The following CDC42BPB variants were observed in gnomAD, a reference collection of about 807,000 sequenced individuals.
CDC42BPB encodes serine/threonine-protein kinase MRCK beta.
Under a neutral mutation model 214.9 loss-of-function variants are expected in CDC42BPB, and 37 were observed. The ratio of observed to expected loss-of-function variants is 0.17; its 90% CI spans 0.13 to 0.23. The LOEUF is 0.23. Among genes scored for constraint, CDC42BPB ranks in the 10% least tolerant of loss-of-function variants. CDC42BPB has a pLI of 1.00. For synonymous variants in CDC42BPB, 931 were observed against 884.0 expected, an observed-to-expected ratio of 1.05 and a Z score of -0.94; for missense variants, 1,694 against 2,227.0, an observed-to-expected ratio of 0.76 and a Z score of 4.82.
chr14:103,052,353 C>G (rs1351816559), intron 1 of CDC42BPB, among the ~76,000 whole-genome samples: 1 of 152,144 alleles, frequency 6.6e-6, no homozygotes, highest in African/African-American at 2.4e-5. Flanking sequence ...AAAAAGTGTT[C>G]CCATGTTATG....
intron 15 of CDC42BPB, 44 bp from the exon 16 acceptor site, chr14:102,968,402 A>G (rs2896462): frequency 0.062 from 100,744 of 1,613,150 alleles, 8,183 homozygotes; most frequent in African/African-American, 0.4. Flanking sequence ...TCGTAACTTC[A>G]CTGATATTCG....
chr14:102,945,824 C>A (rs559488616), intron 28 of CDC42BPB, 100 bp from the exon 29 acceptor site: 65 of 1,001,756 alleles, frequency 6.5e-5, no homozygotes, highest in Admixed American at 1.3e-4. Context: ...ACTTTTCAAC[C>A]ATATGTGGAT....
chr14:102,952,465 C>T, intron 24 of CDC42BPB, 33 bp downstream of exon 24: 2 of 1,399,824 alleles, frequency 1.4e-6, no homozygotes, highest in Non-Finnish European at 1.0e-6. Context: ...TGGGGCTGTG[C>T]ACGCTGACCC....
intron 26 of CDC42BPB, 195 bp from the exon 27 acceptor site, chr14:102,947,997 G>A: frequency 1.0e-6 from 1 of 982,560 alleles, no homozygotes; most frequent in Non-Finnish European, 1.2e-6. Context: ...GGTGTTTCAG[G>A]GCTTAGGGAT....
At chr14:102,998,727 C>T (rs1311852941) in intron 5 of CDC42BPB, among the ~76,000 whole-genome samples, 1 of 152,194 alleles carries the variant, frequency 6.6e-6, no homozygotes, top group African/African-American at 2.4e-5. Flanking sequence ...AAGCCTCTTC[C>T]TCAAGCCCTA....
intron 1 of CDC42BPB, among the ~76,000 whole-genome samples, chr14:103,030,898 G>A (rs1887332267): frequency 6.6e-6 from 1 of 151,808 alleles, no homozygotes; most frequent in Non-Finnish European, 1.5e-5. Flanking sequence ...GAGACGGGAG[G>A]ATGGCTTGAG....
Position 102,971,938 on chromosome 14 carries a change from G to A in CDC42BPB, c.1865C>T (p.Ala622Val). Residue 622 changes from alanine (A) to valine (V), a missense_variant, in exon 13 of 37, where the codon GCT (alanine) becomes GTT (valine). This residue lies in a region of CDC42BPB where 462 missense variants were observed against 513.5 expected (regional missense o/e 0.90). Coordinates refer to ENST00000361246, the MANE Select transcript of CDC42BPB (RefSeq NM_006035.4). ...AGCTACCTCTTTCCTGAGCTTCTCA[G>A]CTCTCCGCATTTCCTGCCGCATGGC... ...VDAMRQEMRR[A>V]EKLRKELEAQ... 1 of 1,614,168 alleles carries A rather than the reference G, an allele frequency of 6.2e-7. No homozygotes were observed. The highest frequency in any genetic ancestry group is 8.5e-7 in the Non-Finnish European group (1 of 1,180,026).
chr14:103,035,972 C>T (rs886274261), intron 1 of CDC42BPB, among the ~76,000 whole-genome samples: 4 of 151,958 alleles, frequency 2.6e-5, no homozygotes, highest in East Asian at 1.9e-4. Flanking sequence ...GGCAACATGA[C>T]GAAACCTCAT....
intron 9 of CDC42BPB, among the ~76,000 whole-genome samples, chr14:102,977,808 G>C (rs1482532641): frequency 6.6e-6 from 1 of 152,150 alleles, no homozygotes; most frequent in Non-Finnish European, 1.5e-5. Flanking sequence ...GCCTGTTTCT[G>C]CACCATCACG....
At chr14:102,990,472 C>T (rs953331024) in intron 5 of CDC42BPB, among the ~76,000 whole-genome samples, 2 of 152,108 alleles carry the variant, frequency 1.3e-5, no homozygotes, top group Non-Finnish European at 2.9e-5. Flanking sequence ...CTGGGAGTCA[C>T]AGTTTCAGTA....
chr14:102,961,971 G>A (rs972287248), intron 20 of CDC42BPB, among the ~76,000 whole-genome samples: 4 of 152,130 alleles, frequency 2.6e-5, no homozygotes, highest in Non-Finnish European at 5.9e-5. Context: ...TTAGAAATCC[G>A]CAAGACTAAC....
At chr14:103,009,238 G>GT (rs1366655203) in intron 2 of CDC42BPB, among the ~76,000 whole-genome samples, 4 of 152,208 alleles carry the variant, frequency 2.6e-5, no homozygotes, top group African/African-American at 9.6e-5. Context: ...TTAAATGGCA[G>GT]TATCATCTAC....
intron 1 of CDC42BPB, among the ~76,000 whole-genome samples, chr14:103,034,409 C>G (rs1887553487): frequency 6.6e-6 from 1 of 152,136 alleles, no homozygotes. Flanking sequence ...GTTCATTTTA[C>G]TGAGAATATT....
chr14:102,955,589 T>A (rs1892675562), intron 21 of CDC42BPB, among the ~76,000 whole-genome samples: 1 of 152,238 alleles, frequency 6.6e-6, no homozygotes, highest in African/African-American at 2.4e-5. Flanking sequence ...TTTAACAAAT[T>A]AAGAGTTCTA....
chr14:102,980,705 G>A lies in CDC42BPB; in HGVS notation c.1140+68C>T, dbSNP rs986791823. The stretch of plus-strand genomic sequence containing the variant: ...ATGGTGTACTGACTTGATAAGCAAC[G>A]CCCTCAACACAGCACTGCATGTCAG... On this transcript the variant is annotated intron_variant, in intron 8 of 36. Transcript: ENST00000361246. 17 of 1,457,380 alleles carry A rather than the reference G, an allele frequency of 1.2e-5. No homozygotes were observed. In the Admixed American group the frequency reaches 1.4e-4, roughly 12 times the overall value. The allele number at this position is 1,457,380 out of a possible 1,614,324, so 90.3% of individuals were successfully genotyped here. A position where few individuals can be genotyped will look rare whatever the true frequency, so the allele number is the denominator to read the frequency against.
intron 1 of CDC42BPB, among the ~76,000 whole-genome samples, chr14:103,015,659 G>A (rs1249736344): frequency 6.6e-6 from 1 of 152,180 alleles, no homozygotes; most frequent in Non-Finnish European, 1.5e-5. Flanking sequence ...ACCACATGGA[G>A]GTGGCAAATG....
At chr14:102,956,469 TA>T in intron 21 of CDC42BPB, 1 of 975,018 alleles carries the variant, frequency 1.0e-6, no homozygotes, top group Non-Finnish European at 1.2e-6. Flanking sequence ...CTGGAAGCTC[TA>T]ACAGACCCAG....
intron 1 of CDC42BPB, among the ~76,000 whole-genome samples, chr14:103,015,959 G>A (rs549476755): frequency 4.5e-4 from 68 of 151,602 alleles, no homozygotes; most frequent in African/African-American, 7.0e-4. Flanking sequence ...CTCGTGATCC[G>A]CCCACCTCGA....
chr14:103,033,143 T>C (rs183936617), intron 1 of CDC42BPB, among the ~76,000 whole-genome samples: 8 of 152,274 alleles, frequency 5.3e-5, no homozygotes, highest in Admixed American at 2.6e-4. Flanking sequence ...AAAAGTGAAA[T>C]ACAACTGACT....
Sources: allele counts gnomAD v4.1 joint callset (sites outside exome capture counted in the v4.1 genomes callset), GRCh38; gene constraint gnomAD v4.1.1; regional missense constraint gnomAD v4.1.1; transcripts MANE v1.5; gene names NCBI Gene and HGNC (gene_info 2026-07-23, HGNC 2026-07-21).